Variants in VDAC1 observed in about 807,000 individuals in gnomAD.
VDAC1 encodes voltage dependent anion channel 1, also known as non-selective voltage-gated ion channel VDAC1.
A neutral mutation model predicts 34.7 loss-of-function variants in VDAC1; 10 were observed. That is an observed-to-expected ratio of 0.29 (90% CI 0.18 to 0.49). VDAC1 has a LOEUF of 0.49. Ranked by LOEUF, VDAC1 falls within the 20% of genes least tolerant of loss-of-function variation. VDAC1 has a pLI of 0.99. For missense variants in VDAC1, 230 were observed against 347.9 expected (o/e 0.66, Z 2.69); for synonymous variants, 130 against 136.0 (o/e 0.96, Z 0.30).
At chr5:134,067,428 T>TAA in the VDAC1 span, among the ~76,000 whole-genome samples, 9,379 of 96,636 alleles carry the variant, frequency 0.097, 503 homozygotes, top group East Asian at 0.23. Context: ...TTACATATTC[T>TAA]AAAAAAAAAA....
At chr5:134,060,460 G>A in the VDAC1 span, among the ~76,000 whole-genome samples, 8 of 151,794 alleles carry the variant, frequency 5.3e-5, no homozygotes, top group Non-Finnish European at 8.8e-5. Context: ...TCCAATAATC[G>A]TGTTTCTTAT....
intron 5 of VDAC1, among the ~76,000 whole-genome samples, chr5:133,986,705 T>C (rs1480708373): frequency 1.3e-5 from 2 of 152,172 alleles, no homozygotes; most frequent in African/African-American, 4.8e-5. Context: ...AGTTTCTAAA[T>C]ATCATTCTCC....
chr5:134,058,321 G>A, the VDAC1 span, among the ~76,000 whole-genome samples: 1 of 142,322 alleles, frequency 7.0e-6, no homozygotes. Context: ...TTTGTTTTTT[G>A]TTTTTTTTTT....
chr5:134,006,811 G>A (rs1385173758), upstream of VDAC1, among the ~76,000 whole-genome samples: 1 of 149,312 alleles, frequency 6.7e-6, no homozygotes. Context: ...CTGCTACCCT[G>A]GGCCCCTTCG....
the VDAC1 span, among the ~76,000 whole-genome samples, chr5:134,064,334 C>T: frequency 2.0e-5 from 3 of 151,668 alleles, no homozygotes. Context: ...GAGAGAGAGT[C>T]TTATTCTGTC....
chr5:134,059,369 C>T, the VDAC1 span, among the ~76,000 whole-genome samples: 383 of 152,268 alleles, frequency 2.5e-3, no homozygotes, highest in Non-Finnish European at 3.8e-3. Context: ...CAAGAGGAAG[C>T]GGCTGGCATC....
the VDAC1 span, among the ~76,000 whole-genome samples, chr5:134,089,039 A>C: frequency 6.6e-6 from 1 of 152,234 alleles, no homozygotes; most frequent in Non-Finnish European, 1.5e-5. Flanking sequence ...AGTTTGCAAG[A>C]AGCTAAGACT....
chr5:134,065,673 A>C, the VDAC1 span, among the ~76,000 whole-genome samples: 14 of 152,152 alleles, frequency 9.2e-5, 1 homozygote, highest in South Asian at 2.9e-3. Flanking sequence ...TTATTTCATT[A>C]AGATGAGATA....
the VDAC1 span, among the ~76,000 whole-genome samples, chr5:134,112,324 G>T: frequency 6.6e-6 from 1 of 152,176 alleles, no homozygotes; most frequent in Non-Finnish European, 1.5e-5. Flanking sequence ...GCAGCCAATG[G>T]CTCCTGGAAG....
chr5:134,031,073 T>G, the VDAC1 span, among the ~76,000 whole-genome samples: 13 of 152,248 alleles, frequency 8.5e-5, no homozygotes, highest in Admixed American at 5.2e-4. Context: ...TACAGGGACC[T>G]CACACTTTTG....
At chr5:134,044,927 G>A in the VDAC1 span, among the ~76,000 whole-genome samples, 1 of 152,222 alleles carries the variant, frequency 6.6e-6, no homozygotes, top group African/African-American at 2.4e-5. Flanking sequence ...TCCTGGGGAA[G>A]GGAGGCCTAG....
chr5:134,071,505 G>A, the VDAC1 span, among the ~76,000 whole-genome samples: 1 of 152,146 alleles, frequency 6.6e-6, no homozygotes, highest in African/African-American at 2.4e-5. This position sits in a 1 kb window ranked among gnomAD's most constrained non-coding sequence, Gnocchi z 4.1. Context: ...TCAGCCTCAG[G>A]GCTCTCAGCC....
Position 133,972,860 on chromosome 5 carries a change from T to C in VDAC1, c.763A>G (p.Ile255Val). 6.2e-7 allele frequency: 1 copy of C among 1,613,114 alleles called. No individual in the cohort carries two copies. The highest frequency in any genetic ancestry group is 8.5e-7 in the Non-Finnish European group (1 of 1,179,410). Residue 255 changes from isoleucine (I) to valine (V), a missense_variant and splice_region_variant, in exon 9 of 9, where the codon ATT becomes GTT. By Grantham distance (29) the Ile-to-Val change is conservative (BLOSUM62 3). Transcript: ENST00000265333. The stretch of plus-strand genomic sequence containing the variant: ...AGAAGAGCTGACAGTGTCAGTTTAA[T>C]ACCTGCAGGGAGAAAAATGAGGGAG... The part of the protein sequence containing the change: ...LGYTQTLKPG[I>V]KLTLSALLDG...
chr5:134,084,881 G>T, the VDAC1 span, among the ~76,000 whole-genome samples: 1 of 152,188 alleles, frequency 6.6e-6, no homozygotes, highest in Non-Finnish European at 1.5e-5. Flanking sequence ...TCCTGATGAA[G>T]AAATTGAGTC....
the VDAC1 span, among the ~76,000 whole-genome samples, chr5:134,050,748 A>C: frequency 1.3e-5 from 2 of 152,224 alleles, no homozygotes; most frequent in Non-Finnish European, 2.9e-5. Flanking sequence ...AATATTAAAA[A>C]CATGTCAAAT....
chr5:134,074,398 T>C, the VDAC1 span, among the ~76,000 whole-genome samples: 1 of 151,866 alleles, frequency 6.6e-6, no homozygotes, highest in African/African-American at 2.4e-5. Context: ...ACATTAAACT[T>C]GGGAGCAAAC....
chr5:134,048,165 T>C, the VDAC1 span, among the ~76,000 whole-genome samples: 1 of 151,966 alleles, frequency 6.6e-6, no homozygotes, highest in African/African-American at 2.4e-5. Flanking sequence ...AGACGGGGTT[T>C]CACCCTGTTA....
chr5:133,982,807 T>C (rs1226017387), intron 5 of VDAC1, among the ~76,000 whole-genome samples: 1 of 150,300 alleles, frequency 6.7e-6, no homozygotes, highest in East Asian at 2.0e-4. Flanking sequence ...GGAGAATCAC[T>C]TGAACCCAGG....
intron 5 of VDAC1, among the ~76,000 whole-genome samples, chr5:133,983,464 G>C (rs1038793694): frequency 6.6e-6 from 1 of 151,882 alleles, no homozygotes; most frequent in Non-Finnish European, 1.5e-5. Context: ...GCCACAGGTT[G>C]GTAACTATCA....
Sources: gnomAD v4.1 joint callset for allele counts (sites outside exome capture counted in the v4.1 genomes callset) on GRCh38, gnomAD v4.1.1 for gene constraint, Gnocchi (gnomAD v3.1) non-coding constraint, MANE v1.5 for transcripts, NCBI Gene and HGNC (gene_info 2026-07-23, HGNC 2026-07-21) for gene names.